The following CDKAL1 variants were observed in gnomAD, a reference collection of about 807,000 sequenced individuals.
The protein encoded by CDKAL1 is threonylcarbamoyladenosine tRNA methylthiotransferase.
A neutral mutation model predicts 68.2 loss-of-function variants in CDKAL1; 32 were observed. The observed-to-expected ratio is 0.47, with a 90% CI of 0.35 to 0.63. The LOEUF (loss-of-function observed/expected upper bound fraction) is 0.63. Ranked by LOEUF, CDKAL1 falls within the 30% of genes least tolerant of loss-of-function variation. The pLI is 0.00. For synonymous variants in CDKAL1, 234 were observed against 244.3 expected (o/e 0.96, Z 0.39); for missense variants, 606 against 696.7 (o/e 0.87, Z 1.47).
chr6:20,654,841 A>C (rs1768953130), intron 5 of CDKAL1, among the ~76,000 whole-genome samples: 1 of 152,138 alleles, frequency 6.6e-6, no homozygotes, highest in Non-Finnish European at 1.5e-5. Flanking sequence ...CTTGTTCTAC[A>C]TAGTCATAAG....
chr6:20,596,409 A>C (rs563995023), intron 4 of CDKAL1, among the ~76,000 whole-genome samples: 66 of 152,206 alleles, frequency 4.3e-4, no homozygotes, highest in African/African-American at 1.5e-3. Flanking sequence ...GGCTTTGCCG[A>C]GCTGTGGTGG....
intron 5 of CDKAL1, among the ~76,000 whole-genome samples, chr6:20,669,249 T>C (rs1444335927): frequency 6.6e-6 from 1 of 152,204 alleles, no homozygotes; most frequent in African/African-American, 2.4e-5. Flanking sequence ...ATCAATACAA[T>C]TGTATTATCA....
chr6:20,899,324 A>G (rs1183120862), intron 9 of CDKAL1, among the ~76,000 whole-genome samples: 1 of 151,908 alleles, frequency 6.6e-6, no homozygotes, highest in Non-Finnish European at 1.5e-5. Context: ...CGGCCTCCCA[A>G]AGTGCTGAGA....
intron 5 of CDKAL1, among the ~76,000 whole-genome samples, chr6:20,675,989 G>A (rs1387166909): frequency 1.3e-5 from 2 of 151,982 alleles, no homozygotes; most frequent in African/African-American, 4.8e-5. Context: ...GCTAATGTGT[G>A]TGTTTGTGTC....
intron 9 of CDKAL1, among the ~76,000 whole-genome samples, chr6:20,933,249 T>A (rs1763553140): frequency 6.6e-6 from 1 of 152,232 alleles, no homozygotes; most frequent in Admixed American, 6.5e-5. Context: ...AACAATACCC[T>A]TTGCTTCAGG....
intron 15 of CDKAL1, among the ~76,000 whole-genome samples, chr6:21,209,138 A>C (rs776630437): frequency 6.6e-6 from 1 of 152,286 alleles, no homozygotes; most frequent in East Asian, 1.9e-4. Context: ...CTTTACTCGT[A>C]TTACTTCAGT....
chr6:20,708,535 G>A (rs1444054431), intron 5 of CDKAL1, among the ~76,000 whole-genome samples: 2 of 152,284 alleles, frequency 1.3e-5, no homozygotes, highest in African/African-American at 4.8e-5. Context: ...ACTCTATGAC[G>A]TGGGCTGGGA....
chr6:21,080,776 A>G (rs1772352585), intron 12 of CDKAL1, among the ~76,000 whole-genome samples: 1 of 152,236 alleles, frequency 6.6e-6, no homozygotes, highest in South Asian at 2.1e-4. Context: ...GCACAAGTGT[A>G]GACTAACTTC....
intron 8 of CDKAL1, among the ~76,000 whole-genome samples, chr6:20,819,477 T>C (rs1236626401): frequency 6.6e-6 from 1 of 152,198 alleles, no homozygotes; most frequent in Non-Finnish European, 1.5e-5. Flanking sequence ...GTGTTTTTGC[T>C]TGTATTCATT....
intron 4 of CDKAL1, among the ~76,000 whole-genome samples, chr6:20,618,860 G>A (rs925859347): frequency 6.6e-6 from 1 of 151,958 alleles, no homozygotes; most frequent in Non-Finnish European, 1.5e-5. Flanking sequence ...TGTATTTTTT[G>A]TGGAGATGAG....
chr6:20,904,932 A>G (rs1368100166), intron 9 of CDKAL1, among the ~76,000 whole-genome samples: 1 of 152,206 alleles, frequency 6.6e-6, no homozygotes, highest in Non-Finnish European at 1.5e-5. Context: ...AATCAAATCA[A>G]AACAAAACAA....
intron 9 of CDKAL1, among the ~76,000 whole-genome samples, chr6:20,949,299 A>G (rs1764408512): frequency 6.6e-6 from 1 of 152,222 alleles, no homozygotes; most frequent in South Asian, 2.1e-4. Flanking sequence ...TTAAGAGACT[A>G]TGCAAGAAAC....
intron 11 of CDKAL1, among the ~76,000 whole-genome samples, chr6:21,039,999 G>T (rs1769830045): frequency 1.3e-5 from 2 of 152,104 alleles, no homozygotes; most frequent in Non-Finnish European, 2.9e-5. Context: ...CTTAATAAAT[G>T]CAAACTTTAT....
chr6:21,113,171 G>A (rs1774207227), intron 13 of CDKAL1, among the ~76,000 whole-genome samples: 1 of 152,172 alleles, frequency 6.6e-6, no homozygotes, highest in African/African-American at 2.4e-5. Context: ...TATTTCAGTA[G>A]CCTTAGGGTA....
chr6:20,555,868 C>T (rs1001669205), intron 4 of CDKAL1, among the ~76,000 whole-genome samples: 5 of 151,946 alleles, frequency 3.3e-5, no homozygotes, highest in East Asian at 3.9e-4. Context: ...GTGATCCGCC[C>T]GCCTCGGCCT....
chr6:20,672,244 TTC>T (rs1769862544), intron 5 of CDKAL1, among the ~76,000 whole-genome samples: 1 of 98,248 alleles, frequency 1.0e-5, no homozygotes, highest in Non-Finnish European at 1.9e-5. Context: ...TTCTCTTTCT[TTC>T]TTTCTTTCTT....
chr6:21,030,326 G>T (rs1328032750), intron 11 of CDKAL1, among the ~76,000 whole-genome samples: 3 of 152,132 alleles, frequency 2.0e-5, no homozygotes, highest in Non-Finnish European at 4.4e-5. Flanking sequence ...AGGGCCACTG[G>T]TAGTGGAGGT....
chr6:20,950,620 A>G (rs1764476558), intron 9 of CDKAL1, among the ~76,000 whole-genome samples: 1 of 152,152 alleles, frequency 6.6e-6, no homozygotes, highest in East Asian at 1.9e-4. Flanking sequence ...GTGGAGAAAG[A>G]CTCAAGGATA....
At chr6:21,051,568 C>G (rs1298477845) in intron 11 of CDKAL1, among the ~76,000 whole-genome samples, 1 of 152,102 alleles carries the variant, frequency 6.6e-6, no homozygotes, top group Non-Finnish European at 1.5e-5. Flanking sequence ...TACTGTACCT[C>G]TTTCCCTAAT....
Sources: allele counts gnomAD v4.1 joint callset (sites outside exome capture counted in the v4.1 genomes callset), GRCh38; gene constraint gnomAD v4.1.1; transcripts MANE v1.5; gene names NCBI Gene and HGNC (gene_info 2026-07-23, HGNC 2026-07-21).